Variants in PHACTR3 observed in about 807,000 individuals in gnomAD.
PHACTR3 encodes protein phosphatase 1, regulatory subunit 123.
PHACTR3 carries 16 observed loss-of-function variants against 66.8 expected under a neutral mutation model. The observed-to-expected ratio is 0.24, with a 90% CI of 0.16 to 0.36. The LOEUF (loss-of-function observed/expected upper bound fraction) is 0.36, where lower values mean the gene tolerates loss of function less well. Among genes scored for constraint, PHACTR3 ranks in the 10% least tolerant of loss-of-function variants. The pLI is 1.00. For synonymous variants in PHACTR3, 323 were observed against 292.1 expected (o/e 1.11, Z -1.08); for missense variants, 647 against 719.9 (o/e 0.90, Z 1.16).
intron 1 of PHACTR3, among the ~76,000 whole-genome samples, chr20:59,690,487 A>G (rs1229661086): frequency 2.0e-5 from 3 of 152,228 alleles, no homozygotes; most frequent in African/African-American, 7.2e-5. Flanking sequence ...CCAAGGTCAC[A>G]TATAGCTTTA....
upstream of PHACTR3, among the ~76,000 whole-genome samples, chr20:59,602,869 C>T (rs1045125782): frequency 3.3e-5 from 5 of 152,352 alleles, no homozygotes; most frequent in East Asian, 9.6e-4. Context: ...GTGTTGAAGA[C>T]CCACTTGGAG....
chr20:59,644,768 C>T (rs1484089870), intron 1 of PHACTR3, among the ~76,000 whole-genome samples: 1 of 152,212 alleles, frequency 6.6e-6, no homozygotes, highest in East Asian at 1.9e-4. Flanking sequence ...TGTCGCTTCT[C>T]CTGCACCCTG....
chr20:59,578,922 C>T (rs1327381431), intron 1 of PHACTR3, among the ~76,000 whole-genome samples: 1 of 152,204 alleles, frequency 6.6e-6, no homozygotes, highest in Admixed American at 6.5e-5. Context: ...TACTGAGCGC[C>T]AGTCCCAGTG....
intron 3 of PHACTR3, among the ~76,000 whole-genome samples, chr20:59,752,117 G>T (rs1032232056): frequency 6.6e-6 from 1 of 152,204 alleles, no homozygotes; most frequent in Admixed American, 6.5e-5. Context: ...CTTTCCTCAG[G>T]GAATTGGACA....
intron 7 of PHACTR3, among the ~76,000 whole-genome samples, chr20:59,792,332 A>G (rs1440027884): frequency 6.6e-6 from 1 of 152,238 alleles, no homozygotes; most frequent in Non-Finnish European, 1.5e-5. Flanking sequence ...ATAAATAGCT[A>G]GAAGTGGAAT....
intron 1 of PHACTR3, among the ~76,000 whole-genome samples, chr20:59,598,509 C>T (rs2033388071): frequency 6.6e-6 from 1 of 152,174 alleles, no homozygotes; most frequent in South Asian, 2.1e-4. Context: ...CTAGGCATAT[C>T]TCCAGGAAGC....
chr20:59,675,957 C>T (rs6027033), intron 1 of PHACTR3, among the ~76,000 whole-genome samples: 76,792 of 152,160 alleles, frequency 0.5, 21,393 homozygotes, highest in African/African-American at 0.74. Context: ...GGCCTGGGCC[C>T]GGAATAAAAG....
At chr20:59,577,872 G>A (rs1380144472) in intron 1 of PHACTR3, among the ~76,000 whole-genome samples, 3 of 152,230 alleles carry the variant, frequency 2.0e-5, no homozygotes, top group African/African-American at 4.8e-5. Flanking sequence ...AGAAGCGCTG[G>A]CGTTGGGGTC....
At chr20:59,727,407 G>A (rs926202142) in intron 1 of PHACTR3, among the ~76,000 whole-genome samples, 8 of 152,108 alleles carry the variant, frequency 5.3e-5, no homozygotes, top group African/African-American at 1.4e-4. Flanking sequence ...AGTGCCAGTC[G>A]TGTATAAGGA....
intron 1 of PHACTR3, among the ~76,000 whole-genome samples, chr20:59,726,866 G>C (rs1336147454): frequency 6.6e-6 from 1 of 152,082 alleles, no homozygotes; most frequent in Admixed American, 6.6e-5. Context: ...TCTAGAAACT[G>C]GACTATGTCC....
intron 3 of PHACTR3, among the ~76,000 whole-genome samples, chr20:59,749,781 A>T (rs1441811864): frequency 1.3e-5 from 2 of 152,126 alleles, no homozygotes; most frequent in Non-Finnish European, 2.9e-5. Flanking sequence ...CTGGCCTTTG[A>T]ATTTTATATA....
chr20:59,813,530 G>A (rs2041800173), intron 8 of PHACTR3, among the ~76,000 whole-genome samples: 1 of 152,226 alleles, frequency 6.6e-6, no homozygotes, highest in Admixed American at 6.5e-5. Flanking sequence ...CACGTGCTAG[G>A]CGCTGGGGTG....
chr20:59,733,968 G>T (rs2038856296), intron 1 of PHACTR3, among the ~76,000 whole-genome samples: 1 of 151,792 alleles, frequency 6.6e-6, no homozygotes, highest in Non-Finnish European at 1.5e-5. Context: ...CTTCAGCCTT[G>T]TTCCCCCTAC....
At chr20:59,798,515 T>C (rs2041318999) in intron 7 of PHACTR3, among the ~76,000 whole-genome samples, 1 of 152,218 alleles carries the variant, frequency 6.6e-6, no homozygotes, top group South Asian at 2.1e-4. Flanking sequence ...AGATTTTTAA[T>C]TAGAAATTCT....
At chr20:59,625,780 T>G (rs1343062864) in intron 1 of PHACTR3, among the ~76,000 whole-genome samples, 1 of 152,152 alleles carries the variant, frequency 6.6e-6, no homozygotes, top group Non-Finnish European at 1.5e-5. Context: ...GGGCTGTTTC[T>G]CACCCTTGTT....
intron 4 of PHACTR3, among the ~76,000 whole-genome samples, chr20:59,757,590 C>T (rs895323655): frequency 6.6e-6 from 1 of 152,078 alleles, no homozygotes; most frequent in Non-Finnish European, 1.5e-5. Flanking sequence ...GCCTCTGCCC[C>T]CTGGTAGCAC....
chr20:59,678,884 T>A (rs1050173796), intron 1 of PHACTR3, among the ~76,000 whole-genome samples: 2 of 147,248 alleles, frequency 1.4e-5, no homozygotes, highest in Non-Finnish European at 3.0e-5. Flanking sequence ...GGAACCTGTA[T>A]CAGAAGCACC....
At chr20:59,587,778 T>TGGGCCC (rs1476341190) in intron 1 of PHACTR3, among the ~76,000 whole-genome samples, 1 of 151,720 alleles carries the variant, frequency 6.6e-6, no homozygotes, top group African/African-American at 2.4e-5. Flanking sequence ...GGCTGGGGCC[T>TGGGCCC]GGGCCCGGGT....
At chr20:59,623,231 G>C (rs931971543) in intron 1 of PHACTR3, among the ~76,000 whole-genome samples, 33 of 152,156 alleles carry the variant, frequency 2.2e-4, no homozygotes, top group Non-Finnish European at 3.2e-4. Context: ...GGGTGGGGCA[G>C]GTATGTCGGC....
Sources: allele counts gnomAD v4.1 joint callset (sites outside exome capture counted in the v4.1 genomes callset), GRCh38; gene constraint gnomAD v4.1.1; transcripts MANE v1.5; gene names NCBI Gene and HGNC (gene_info 2026-07-23, HGNC 2026-07-21).